Variants in IL2RA observed in about 807,000 individuals in gnomAD.
IL2RA encodes the protein interleukin 2 receptor subunit alpha.
In IL2RA, 24 loss-of-function variants were observed where a neutral mutation model predicts 37.8. The observed-to-expected ratio is 0.63, with a 90% confidence interval of 0.46 to 0.89. The LOEUF (loss-of-function observed/expected upper bound fraction) is 0.89. Ranked by LOEUF, IL2RA falls within the 40% of genes least tolerant of loss-of-function variation. IL2RA has a pLI of 0.00. For synonymous variants in IL2RA, 125 were observed against 114.6 expected, an observed-to-expected ratio of 1.09 and a Z score of -0.58; for missense variants, 319 against 348.6, an observed-to-expected ratio of 0.92 and a Z score of 0.68.
intron 1 of IL2RA, among the ~76,000 whole-genome samples, chr10:6,034,796 G>A (rs1367916339): frequency 6.6e-6 from 1 of 152,044 alleles, no homozygotes; most frequent in Non-Finnish European, 1.5e-5. Context: ...TTCTCTCCCG[G>A]AATATTTTCC....
In IL2RA at chr10:6,015,204, T is replaced by C. The variant is rs1357728847; in HGVS notation, c.795-2308A>G. On this transcript the variant is annotated intron_variant, in intron 7 of 7. Coordinates refer to ENST00000379959, the MANE Select transcript of IL2RA (RefSeq NM_000417.3). The surrounding 1 kb of genome is among the most constrained non-coding windows in gnomAD (Gnocchi z 4.9). ...GCCTCCTGGGTTCAAGCGATTCTCC[T>C]GCATCAGCCTCCCGAGTAGCTAAGA... Among the ~76,000 whole-genome samples, 3 of 152,064 alleles carry C rather than the reference T, an allele frequency of 2.0e-5. No homozygotes were observed. Among genetic ancestry groups the C allele is most frequent in the African/African-American group, 7.2e-5 (3 of 41,396 alleles).
At chr10:6,034,869 C>T (rs12722665) in intron 1 of IL2RA, among the ~76,000 whole-genome samples, 1 of 152,184 alleles carries the variant, frequency 6.6e-6, no homozygotes, top group Non-Finnish European at 1.5e-5. Flanking sequence ...GGGAGGCAGA[C>T]AGAATTTTCC....
At position 6,019,408 on chromosome 10, in the gene IL2RA, A is replaced by G. The variant is rs1339784654; in HGVS notation, c.727+20T>C. On this transcript the variant is annotated intron_variant, in intron 6 of 7. Coordinates refer to ENST00000379959, the MANE Select transcript of IL2RA (RefSeq NM_000417.3). ...TCAGCCTGGTGTACATTTTGTCCACAAAGCCAGTGCCCCACTCACCTGCTA... is the reference window on the plus strand; with the variant it reads ...TCAGCCTGGTGTACATTTTGTCCACGAAGCCAGTGCCCCACTCACCTGCTA... 1 of 1,584,210 alleles carries G rather than the reference A, an allele frequency of 6.3e-7. No individual in the cohort carries two copies. Among genetic ancestry groups the G allele is most frequent in the Non-Finnish European group, 8.7e-7 (1 of 1,152,628 alleles).
rs7078614 is a variant in IL2RA, at chr10:6,033,868, G to A, written c.65-7843C>T. Among the ~76,000 whole-genome samples the A allele has an allele frequency of 2.6e-5, 4 of 151,972 alleles. No individual in the cohort carries two copies. Among genetic ancestry groups the A allele is most frequent in the Admixed American group, 6.5e-5 (1 of 15,268 alleles). ...GTCAAAACTCATCAAATTGTATGCC[G>A]CAGATCTATGCATTTCTTTATAAGT... On this transcript the variant is annotated intron_variant, in intron 1 of 7. Coordinates refer to ENST00000379959, the MANE Select transcript of IL2RA (RefSeq NM_000417.3). The surrounding 1 kb of genome is among the most constrained non-coding windows in gnomAD (Gnocchi z 4.3).
At position 6,047,245 on chromosome 10, in the gene IL2RA, A is replaced by T. The variant is rs1839877390; in HGVS notation, c.64+14843T>A. Among the ~76,000 whole-genome samples, 1 of 152,102 alleles carries T rather than the reference A, an allele frequency of 6.6e-6. No homozygotes were observed. The highest frequency in any genetic ancestry group is 1.5e-5 in the Non-Finnish European group (1 of 68,012). The stretch of plus-strand genomic sequence containing the variant: ...AAGGAACAACCCCCATGCCAACAGC[A>T]CTCCATCCCGACCTCATACCATGTG... On this transcript the variant is annotated intron_variant, in intron 1 of 7. Coordinates refer to ENST00000379959, the MANE Select transcript of IL2RA (RefSeq NM_000417.3). This position sits in a 1 kb window ranked among gnomAD's most constrained non-coding sequence, Gnocchi z 5.0.
chr10:6,024,155 C>A, intron 3 of IL2RA, 89 bp downstream of exon 3: 1 of 854,500 alleles, frequency 1.2e-6, no homozygotes, highest in Non-Finnish European at 2.0e-6. Flanking sequence ...GAAGGCAGGG[C>A]AGACCTTCTT....
Position 6,057,017 on chromosome 10 carries a change from C to T in IL2RA, c.64+5071G>A, listed in dbSNP as rs1472416137. On this transcript the variant is annotated intron_variant, in intron 1 of 7. Coordinates refer to ENST00000379959, the MANE Select transcript of IL2RA (RefSeq NM_000417.3). The surrounding 1 kb of genome is among the most constrained non-coding windows in gnomAD (Gnocchi z 4.8). ...GAAATTTACCAGTCCCTCAGGGCTC[C>T]CTTTCCATGTCACCCTCATGAAGCT... 1.3e-5 allele frequency among the ~76,000 whole-genome samples: 2 copies of T among 152,200 alleles called. No individual in the cohort carries two copies. The highest frequency in any genetic ancestry group is 2.9e-5 in the Non-Finnish European group (2 of 68,032).
intron 1 of IL2RA, among the ~76,000 whole-genome samples, chr10:6,026,232 A>G (rs1033545948): frequency 6.6e-6 from 1 of 152,210 alleles, no homozygotes; most frequent in Non-Finnish European, 1.5e-5. Flanking sequence ...ACTACAACCA[A>G]GCTCCTCTCC....
At chr10:6,050,660 G>C (rs563845315) in intron 1 of IL2RA, among the ~76,000 whole-genome samples, 161 of 152,242 alleles carry the variant, frequency 1.1e-3, no homozygotes, top group Non-Finnish European at 2.0e-3. Context: ...AAGGTGGTTG[G>C]GGTGGGGGAA....
chr10:6,016,006 G>C (rs1389281116), intron 7 of IL2RA, among the ~76,000 whole-genome samples: 1 of 152,202 alleles, frequency 6.6e-6, no homozygotes, highest in African/African-American at 2.4e-5. Context: ...AATCAGTGGG[G>C]ATGGCTGTAC....
rs1428253181 is a variant in IL2RA, at chr10:6,025,152, G to A, written c.256+682C>T. 3.9e-5 allele frequency among the ~76,000 whole-genome samples: 6 copies of A among 151,934 alleles called. No homozygotes were observed. Among genetic ancestry groups the A allele is most frequent in the African/African-American group, 9.7e-5 (4 of 41,356 alleles). On this transcript the variant is annotated intron_variant, in intron 2 of 7. Transcript: ENST00000379959. The surrounding 1 kb of genome is among the most constrained non-coding windows in gnomAD (Gnocchi z 4.4). The stretch of plus-strand genomic sequence containing the variant: ...GAGAATCACTTGAGGCCAGGAGTTC[G>A]AGACCAGCCTGGCCAACATGGCGAA...
In IL2RA at chr10:6,018,486, T is replaced by A. The variant is rs1839317450; in HGVS notation, c.728-367A>T. Among the ~76,000 whole-genome samples, 1 of 151,734 alleles carries A rather than the reference T, an allele frequency of 6.6e-6. No homozygotes were observed. The highest frequency in any genetic ancestry group is 2.4e-5 in the African/African-American group (1 of 41,114). ...TTAACATCTCCTGAAAGAGGTCGGG[T>A]TTTCCAGATGCTGCTCTGCTGAGGT... is the stretch of plus-strand genomic sequence containing the variant. On this transcript the variant is annotated intron_variant, in intron 6 of 7. Coordinates refer to ENST00000379959, the MANE Select transcript of IL2RA (RefSeq NM_000417.3). This position sits in a 1 kb window ranked among gnomAD's most constrained non-coding sequence, Gnocchi z 5.1.
At chr10:6,049,685 C>T (rs551674900) in intron 1 of IL2RA, among the ~76,000 whole-genome samples, 1 of 152,332 alleles carries the variant, frequency 6.6e-6, no homozygotes, top group South Asian at 2.1e-4. Flanking sequence ...TTACACGGCA[C>T]TCACCCTACT....
Position 6,051,526 on chromosome 10 carries a change from CT to C in IL2RA, c.64+10561del, listed in dbSNP as rs1312667850. 7.6e-4 allele frequency among the ~76,000 whole-genome samples: 89 copies of C among 117,160 alleles called. 2 individuals carry two copies. Among genetic ancestry groups the C allele is most frequent in the African/African-American group, 1.9e-3 (60 of 31,602 alleles). 76.9% of individuals were successfully genotyped at this position (117,160 alleles called of 152,430 possible). Reference sequence around the variant, plus strand: ...ATATATATATATATATATTTTTTTTCTTTTTTTTTTTGAGACGGAGTTTCCC... The same window carrying C: ...ATATATATATATATATATTTTTTTTCTTTTTTTTTTGAGACGGAGTTTCCC... On this transcript the variant is annotated intron_variant, in intron 1 of 7. Coordinates refer to ENST00000379959, the MANE Select transcript of IL2RA (RefSeq NM_000417.3).
chr10:6,048,638 C>T lies in IL2RA; in HGVS notation c.64+13450G>A, dbSNP rs1395761261. Among the ~76,000 whole-genome samples, 1 of 152,240 alleles carries T rather than the reference C, an allele frequency of 6.6e-6. No individual in the cohort carries two copies. The highest frequency in any genetic ancestry group is 1.9e-4 in the East Asian group (1 of 5,206). On this transcript the variant is annotated intron_variant, in intron 1 of 7. Transcript: ENST00000379959. The surrounding 1 kb of genome is among the most constrained non-coding windows in gnomAD (Gnocchi z 5.3). ...GGCCCACCGAGGTTAAAACCCTACC[C>T]TCATGGACTTCCATGGAGGTTACTC...
rs548958532 is a variant in IL2RA, at chr10:6,048,165, G to C, written c.64+13923C>G. 2.6e-5 allele frequency among the ~76,000 whole-genome samples: 4 copies of C among 152,372 alleles called. No homozygotes were observed. The highest frequency in any genetic ancestry group is 2.6e-4 in the Admixed American group (4 of 15,310). On this transcript the variant is annotated intron_variant, in intron 1 of 7. Coordinates refer to ENST00000379959, the MANE Select transcript of IL2RA (RefSeq NM_000417.3). This position sits in a 1 kb window ranked among gnomAD's most constrained non-coding sequence, Gnocchi z 5.3. Reference sequence around the variant, plus strand: ...TGTGCCCGTCATGCATCACAGGAAGGCTGTCATGGGAGTCCTGAGGTGGGT... The same window carrying C: ...TGTGCCCGTCATGCATCACAGGAAGCCTGTCATGGGAGTCCTGAGGTGGGT...
chr10:6,022,876 G>A lies in IL2RA; in HGVS notation c.368-1183C>T, dbSNP rs1290912091. On this transcript the variant is annotated intron_variant, in intron 3 of 7. Transcript: ENST00000379959. The surrounding 1 kb of genome is among the most constrained non-coding windows in gnomAD (Gnocchi z 4.7). ...CAATAACTGTGCAGGGTGATATGGG[G>A]GAAGTAGAACAAAACAAACAAATGT... Among the ~76,000 whole-genome samples the A allele has an allele frequency of 1.1e-5, 1 of 87,416 alleles. No homozygotes were observed. The highest frequency in any genetic ancestry group is 2.9e-5 in the African/African-American group (1 of 33,904). The allele number at this position is 87,416 out of a possible 152,430, so 57.3% of individuals were successfully genotyped here.
rs920283349 is a variant in IL2RA at position 6,020,181 on chromosome 10, A to G, written c.584-240T>C. On this transcript the variant is annotated intron_variant, in intron 4 of 7. Coordinates refer to ENST00000379959, the MANE Select transcript of IL2RA (RefSeq NM_000417.3). The surrounding 1 kb of genome is among the most constrained non-coding windows in gnomAD (Gnocchi z 5.6). The stretch of plus-strand genomic sequence containing the variant: ...CTAACTCTGACCCTAGCTGTCCCCA[A>G]AACTCTGAGCAATGCTTTCTCCCCA... Among the ~76,000 whole-genome samples the G allele has an allele frequency of 6.6e-6, 1 of 152,132 alleles. No homozygotes were observed. The highest frequency in any genetic ancestry group is 2.4e-5 in the African/African-American group (1 of 41,418).
intron 1 of IL2RA, 107 bp downstream of exon 1, chr10:6,061,981 C>T (rs1434093617): frequency 1.1e-6 from 1 of 930,620 alleles, no homozygotes; most frequent in Non-Finnish European, 1.8e-6. Flanking sequence ...CAAGATTCAA[C>T]TCCCTTCTTG....
Sources: gnomAD v4.1 joint callset for allele counts (sites outside exome capture counted in the v4.1 genomes callset) on GRCh38, gnomAD v4.1.1 for gene constraint, Gnocchi (gnomAD v3.1) non-coding constraint, MANE v1.5 for transcripts, NCBI Gene and HGNC (gene_info 2026-07-23, HGNC 2026-07-21) for gene names.